The following SPATA9 variants were observed in gnomAD, a reference collection of about 807,000 sequenced individuals.
SPATA9 encodes spermatogenesis associated 9, also known as spermatogenesis-associated protein 9.
SPATA9 carries 27 observed loss-of-function variants against 25.5 expected under a neutral mutation model. That is an observed-to-expected ratio of 1.06 (90% confidence interval 0.78 to 1.46). The LOEUF (loss-of-function observed/expected upper bound fraction) is 1.46. SPATA9 is among the 40% of genes most tolerant of loss of function. SPATA9 has a pLI of 0.00. For missense variants in SPATA9, 282 were observed against 297.5 expected, an observed-to-expected ratio of 0.95 and a Z score of 0.38; for synonymous variants, 102 against 105.7, an observed-to-expected ratio of 0.97 and a Z score of 0.21.
the SPATA9 span, among the ~76,000 whole-genome samples, chr5:95,715,807 A>G: frequency 6.6e-6 from 1 of 152,236 alleles, no homozygotes; most frequent in South Asian, 2.1e-4. Flanking sequence ...ACAGAATGAG[A>G]AGCCATATGT....
At chr5:95,709,359 G>A in the SPATA9 span, among the ~76,000 whole-genome samples, 46 of 152,202 alleles carry the variant, frequency 3.0e-4, no homozygotes, top group Admixed American at 2.3e-3. Context: ...TTCAAAAGGC[G>A]ATGACCCAGC....
the SPATA9 span, among the ~76,000 whole-genome samples, chr5:95,715,094 G>A: frequency 6.6e-6 from 1 of 152,164 alleles, no homozygotes; most frequent in Admixed American, 6.5e-5. Context: ...GGGAGGCCAA[G>A]GCGGGCAGTT....
At position 95,695,576 on chromosome 5, in the gene SPATA9, C is replaced by T. The variant is rs542748351; in HGVS notation, n.124+3012G>A. Reference sequence around the variant, plus strand: ...TTGCGCCACTGCACTCCAGCCTGGGCGATAGAGTGAGACCCTGACTCAAAA... The same window carrying T: ...TTGCGCCACTGCACTCCAGCCTGGGTGATAGAGTGAGACCCTGACTCAAAA... On this transcript the variant is annotated intron_variant and non_coding_transcript_variant, in intron 1 of 2. Coordinates refer to the SPATA9 transcript ENST00000379990. Among the ~76,000 whole-genome samples, 10 of 152,184 alleles carry T rather than the reference C, an allele frequency of 6.6e-5. No individual in the cohort carries two copies. In the South Asian group the frequency reaches 8.3e-4, roughly 13 times the overall value.
rs1753565040 is a variant in SPATA9 at position 95,682,636 on chromosome 5, G to C, written c.62-20C>G. 6.3e-7 allele frequency: 1 copy of C among 1,591,638 alleles called. No homozygotes were observed. Among genetic ancestry groups the C allele is most frequent in the Non-Finnish European group, 8.6e-7 (1 of 1,169,212 alleles). On this transcript the variant is annotated intron_variant, in intron 1 of 4. Transcript: ENST00000274432. Reference sequence around the variant, plus strand: ...CCTCGACTAAGACAAAAAGAGGTTAGGAAAAAGAAAACTTTGAAAACATCC... The same window carrying C: ...CCTCGACTAAGACAAAAAGAGGTTACGAAAAAGAAAACTTTGAAAACATCC...
chr5:95,669,061 C>T lies in SPATA9; in HGVS notation c.379-5013G>A, dbSNP rs574271699. On this transcript the variant is annotated intron_variant, in intron 3 of 4. Coordinates refer to ENST00000274432, the MANE Select transcript of SPATA9 (RefSeq NM_031952.4). ...GTTTGGAAAAGCTGCACAAATGTGT[C>T]TTTACTTAGCAACTCACAACACCTT... Among the ~76,000 whole-genome samples the T allele has an allele frequency of 3.0e-3, 457 of 152,294 alleles. 1 individual carries two copies. Among genetic ancestry groups the T allele is most frequent in the South Asian group, 0.015 (71 of 4,820 alleles).
chr5:95,706,670 T>A, the SPATA9 span, among the ~76,000 whole-genome samples: 2 of 151,848 alleles, frequency 1.3e-5, no homozygotes, highest in Non-Finnish European at 2.9e-5. Context: ...CCCTTCTCAT[T>A]CCTTTCATCA....
At chr5:95,683,080 T>A, upstream of SPATA9, 1 of 1,136,906 alleles carries the variant, frequency 8.8e-7, no homozygotes. Flanking sequence ...GGAAGAGGAG[T>A]GTGTTTGGAG....
chr5:95,663,001 T>C (rs1224302323), intron 4 of SPATA9, among the ~76,000 whole-genome samples: 2 of 152,216 alleles, frequency 1.3e-5, no homozygotes, highest in East Asian at 3.8e-4. Context: ...GAAAACTCTT[T>C]GGCAATATCT....
chr5:95,727,775 T>C, the SPATA9 span, among the ~76,000 whole-genome samples: 1 of 152,316 alleles, frequency 6.6e-6, no homozygotes, highest in Non-Finnish European at 1.5e-5. Flanking sequence ...TATCAGGAAA[T>C]GGACCATCTG....
chr5:95,686,440 TA>T (rs530274577), upstream of SPATA9, among the ~76,000 whole-genome samples: 4 of 148,854 alleles, frequency 2.7e-5, no homozygotes, highest in East Asian at 2.0e-4. Flanking sequence ...ACCTCCAAGT[TA>T]AAAAAAAAAC....
downstream of SPATA9, among the ~76,000 whole-genome samples, chr5:95,654,647 T>C (rs1437773626): frequency 6.6e-6 from 1 of 152,168 alleles, no homozygotes; most frequent in African/African-American, 2.4e-5. Flanking sequence ...CTAAATGTTT[T>C]AACAATCGGA....
At chr5:95,672,890 G>A (rs762081541) in intron 3 of SPATA9, among the ~76,000 whole-genome samples, 1 of 152,138 alleles carries the variant, frequency 6.6e-6, no homozygotes, top group Non-Finnish European at 1.5e-5. Context: ...AGTCTCCATG[G>A]ATTTCTCTCA....
downstream of SPATA9, chr5:95,656,178 A>G (rs1750746991): frequency 6.2e-7 from 1 of 1,614,008 alleles, no homozygotes; most frequent in South Asian, 1.1e-5. Flanking sequence ...CTCCAAAGGA[A>G]TAAAGCAAAG....
intron 1 of SPATA9, among the ~76,000 whole-genome samples, chr5:95,697,505 G>A (rs1020988826): frequency 1.3e-5 from 2 of 152,142 alleles, no homozygotes; most frequent in South Asian, 4.2e-4. Flanking sequence ...CTCAAGATGG[G>A]AGCCACAGTC....
chr5:95,653,167 T>G, exon 9 of SPATA9: 1 of 1,551,764 alleles, frequency 6.4e-7, no homozygotes, highest in Non-Finnish European at 8.7e-7. Flanking sequence ...ATTTGCATTT[T>G]GGGCATTTCA....
At chr5:95,674,686 C>G in intron 3 of SPATA9, 3 of 448,588 alleles carry the variant, frequency 6.7e-6, no homozygotes, top group South Asian at 3.2e-5. Context: ...GTTTGAATAC[C>G]TGTATCCAGC....
intron 3 of SPATA9, among the ~76,000 whole-genome samples, chr5:95,665,769 G>C (rs1291780369): frequency 2.6e-5 from 4 of 152,168 alleles, no homozygotes; most frequent in African/African-American, 9.7e-5. Flanking sequence ...GAGGTCAGGA[G>C]ACCAGCCTGA....
chr5:95,720,915 C>A, the SPATA9 span, among the ~76,000 whole-genome samples: 1 of 152,050 alleles, frequency 6.6e-6, no homozygotes, highest in East Asian at 1.9e-4. Flanking sequence ...CATATTTTAC[C>A]GAAGAAAAGG....
chr5:95,686,967 A>C (rs1183937170), upstream of SPATA9, among the ~76,000 whole-genome samples: 4 of 152,198 alleles, frequency 2.6e-5, no homozygotes, highest in African/African-American at 9.6e-5. Context: ...CAAAACAAAA[A>C]AGGGAAAAGA....
Sources: allele counts gnomAD v4.1 joint callset (sites outside exome capture counted in the v4.1 genomes callset), GRCh38; gene constraint gnomAD v4.1.1; transcripts MANE v1.5; gene names NCBI Gene and HGNC (gene_info 2026-07-23, HGNC 2026-07-21).